The following DDX46 variants were observed in gnomAD, a reference collection of about 807,000 sequenced individuals.
DDX46 encodes DEAD-box helicase 46.
A neutral mutation model predicts 134.9 loss-of-function variants in DDX46; 30 were observed. The observed-to-expected ratio is 0.22, with a 90% confidence interval of 0.17 to 0.30. DDX46 has a LOEUF of 0.30. Among genes scored for constraint, DDX46 ranks in the 10% least tolerant of loss-of-function variants. The pLI is 1.00. For synonymous variants in DDX46, 415 were observed against 404.1 expected (o/e 1.03, Z -0.32); for missense variants, 622 against 1,248.7 (o/e 0.50, Z 7.56).
chr5:134,782,004 T>C lies in DDX46; in HGVS notation c.963T>C (p.Val321=). Residue 321 remains valine (V), a synonymous_variant, in exon 8 of 23, where the codon GTT becomes GTC. Transcript: ENST00000452510. ...AACAGCGAAAGCTTCTAGAACCAGT[T>C]GATCATGGAAAAATTGAGTATGAGC... ...QTKQRKLLEP[V]DHGKIEYEPF... 6.2e-7 allele frequency: 1 copy of C among 1,609,604 alleles called. No individual in the cohort carries two copies. The highest frequency in any genetic ancestry group is 8.5e-7 in the Non-Finnish European group (1 of 1,179,104).
intron 1 of DDX46, among the ~76,000 whole-genome samples, chr5:134,763,101 G>A (rs568526201): frequency 3.6e-4 from 55 of 152,032 alleles, no homozygotes; most frequent in African/African-American, 1.3e-3. Context: ...GTGTGGTGAC[G>A]CATGCCTGAA....
Position 134,784,404 on chromosome 5 carries a change from C to G in DDX46, c.1205C>G (p.Ala402Gly). 6.2e-7 allele frequency: 1 copy of G among 1,613,280 alleles called. No individual in the cohort carries two copies. Among genetic ancestry groups the G allele is most frequent in the East Asian group, 2.2e-5 (1 of 44,870 alleles). Residue 402 changes from alanine to glycine, a missense_variant, in exon 10 of 23, where the codon GCT (alanine) becomes GGT (glycine). This residue lies in a region of DDX46 where 209 missense variants were observed against 508.4 expected (regional missense o/e 0.41). Coordinates refer to ENST00000452510, the MANE Select transcript of DDX46 (RefSeq NM_001300860.2). The stretch of plus-strand genomic sequence containing the variant: ...AAGCCCACGCCCATCCAAACCCAAG[C>G]TATTCCTGCTATAATGTCTGGACGA... ...YEKPTPIQTQ[A>G]IPAIMSGRDL...
intron 6 of DDX46, among the ~76,000 whole-genome samples, chr5:134,780,573 A>AATAAATAG (rs1754117578): frequency 6.9e-6 from 1 of 145,644 alleles, no homozygotes. Context: ...TCAATAAATA[A>AATAAATAG]ATAAATAAAT....
In DDX46 at chr5:134,821,511, A is replaced by G. The variant is rs574386096; in HGVS notation, c.2977+2507A>G. On this transcript the variant is annotated intron_variant, in intron 21 of 22. Coordinates refer to ENST00000452510, the MANE Select transcript of DDX46 (RefSeq NM_001300860.2). Reference sequence around the variant, plus strand: ...CAATATTTTCTTGTGTGCCATTTTGATTTGCTCTTGTTTCTGGGTTTTTTG... The same window carrying G: ...CAATATTTTCTTGTGTGCCATTTTGGTTTGCTCTTGTTTCTGGGTTTTTTG... 2.3e-4 allele frequency among the ~76,000 whole-genome samples: 32 copies of G among 137,074 alleles called. 2 individuals carry two copies. In the South Asian group the frequency reaches 7.7e-3, roughly 33 times the overall value. 89.9% of individuals were successfully genotyped at this position (137,074 alleles called of 152,430 possible). A position where few individuals can be genotyped will look rare whatever the true frequency, so the allele number is the denominator to read the frequency against.
chr5:134,767,688 C>T (rs965609073), intron 3 of DDX46, among the ~76,000 whole-genome samples: 7 of 151,618 alleles, frequency 4.6e-5, no homozygotes, highest in Non-Finnish European at 8.8e-5. Flanking sequence ...CGGTGGCTGA[C>T]GCCTGTAATC....
At chr5:134,808,597 C>G (rs1755056333) in intron 16 of DDX46, among the ~76,000 whole-genome samples, 1 of 152,066 alleles carries the variant, frequency 6.6e-6, no homozygotes, top group African/African-American at 2.4e-5. Context: ...ACTTCAGGAT[C>G]TTTTTTTAAA....
At chr5:134,773,317 G>A (rs771066057) in intron 4 of DDX46, among the ~76,000 whole-genome samples, 2 of 152,138 alleles carry the variant, frequency 1.3e-5, no homozygotes, top group Non-Finnish European at 2.9e-5. Flanking sequence ...AATTTTGGAG[G>A]CGTTTAGGGG....
intron 15 of DDX46, among the ~76,000 whole-genome samples, chr5:134,797,004 G>A: frequency 6.6e-6 from 1 of 150,598 alleles, no homozygotes; most frequent in East Asian, 1.9e-4. Flanking sequence ...TACAAAATTA[G>A]CCGAGCATGG....
chr5:134,820,915 G>C (rs1342272836), intron 21 of DDX46, among the ~76,000 whole-genome samples: 3 of 146,858 alleles, frequency 2.0e-5, no homozygotes, highest in African/African-American at 7.6e-5. Context: ...ATCTAGGCTG[G>C]AGTGCAGTGG....
At chr5:134,828,346 A>G (rs923532859) in intron 22 of DDX46, among the ~76,000 whole-genome samples, 1 of 152,162 alleles carries the variant, frequency 6.6e-6, no homozygotes. Flanking sequence ...GCTTAATACT[A>G]TTTCACCAAG....
At chr5:134,791,560 C>CA (rs746157030) in intron 13 of DDX46, among the ~76,000 whole-genome samples, 8,544 of 103,588 alleles carry the variant, frequency 0.082, 552 homozygotes, top group African/African-American at 0.23. Context: ...GACTCCGTCT[C>CA]AAAAAAAAAA....
chr5:134,823,157 C>CTTTTT (rs201053941), intron 21 of DDX46, among the ~76,000 whole-genome samples: 24 of 111,216 alleles, frequency 2.2e-4, no homozygotes, highest in South Asian at 6.9e-4. Context: ...TTAATTTCAT[C>CTTTTT]TTTTTTTTTT....
intron 15 of DDX46, among the ~76,000 whole-genome samples, chr5:134,803,573 ATAAG>A (rs1754895229): frequency 1.3e-5 from 2 of 152,208 alleles, no homozygotes; most frequent in African/African-American, 2.4e-5. Context: ...TTTGAAATAA[ATAAG>A]TAAGTAAATA....
Position 134,828,805 on chromosome 5 carries a change from T to G in DDX46, c.*99T>G. On this transcript the variant is annotated 3_prime_UTR_variant, in exon 23 of 23. Transcript: ENST00000452510. ...TATTGTAAATGAAGATTTTTTAAATTCTATCTTGCTGATTTTTTTTAAATA... is the reference window on the plus strand; with the variant it reads ...TATTGTAAATGAAGATTTTTTAAATGCTATCTTGCTGATTTTTTTTAAATA... The G allele has an allele frequency of 1.1e-6, 1 of 905,418 alleles. No homozygotes were observed. The highest frequency in any genetic ancestry group is 1.5e-6 in the Non-Finnish European group (1 of 657,108). The allele number at this position is 905,418 out of a possible 1,614,324, so 56.1% of individuals were successfully genotyped here. A position where few individuals can be genotyped will look rare whatever the true frequency, so the allele number is the denominator to read the frequency against.
chr5:134,816,684 A>G lies in DDX46; in HGVS notation c.2613+78A>G. The G allele has an allele frequency of 4.4e-6, 6 of 1,351,746 alleles. No homozygotes were observed. In the South Asian group the frequency reaches 7.8e-5, roughly 17 times the overall value. The allele number at this position is 1,351,746 out of a possible 1,614,324, so 83.7% of individuals were successfully genotyped here. A position where few individuals can be genotyped will look rare whatever the true frequency, so the allele number is the denominator to read the frequency against. On this transcript the variant is annotated intron_variant, in intron 19 of 22. Transcript: ENST00000452510. ...TTACTTTTCAGGAATTATGTTGAAC[A>G]CAAGTAAACAAGTTGTCCTAGACAT...
intron 5 of DDX46, among the ~76,000 whole-genome samples, chr5:134,776,332 G>A (rs920021816): frequency 6.6e-6 from 1 of 151,792 alleles, no homozygotes; most frequent in African/African-American, 2.4e-5. Flanking sequence ...GAAGGTTGCC[G>A]TCAGTGAGCC....
chr5:134,796,363 A>G (rs1356949504), intron 15 of DDX46, among the ~76,000 whole-genome samples: 1 of 152,238 alleles, frequency 6.6e-6, no homozygotes, highest in Non-Finnish European at 1.5e-5. Context: ...ACCAAGTTCC[A>G]TCGCCATTTA....
intron 21 of DDX46, among the ~76,000 whole-genome samples, chr5:134,823,157 C>CTTTTTT (rs201053941): frequency 1.8e-4 from 20 of 111,198 alleles, no homozygotes; most frequent in South Asian, 3.4e-4. Context: ...TTAATTTCAT[C>CTTTTTT]TTTTTTTTTT....
chr5:134,761,279 C>G (rs1215469811), intron 1 of DDX46, among the ~76,000 whole-genome samples: 1 of 152,224 alleles, frequency 6.6e-6, no homozygotes, highest in Non-Finnish European at 1.5e-5. Flanking sequence ...CCCACCTTGG[C>G]CTGCCAAAAT....
Sources: gnomAD v4.1 joint callset for allele counts (sites outside exome capture counted in the v4.1 genomes callset) on GRCh38, gnomAD v4.1.1 for gene constraint, gnomAD v4.1.1 regional missense constraint, MANE v1.5 for transcripts, NCBI Gene and HGNC (gene_info 2026-07-23, HGNC 2026-07-21) for gene names.